The following GPR158 variants were observed in gnomAD, a reference collection of about 807,000 sequenced individuals.
The protein encoded by GPR158 is metabotropic glycine receptor.
GPR158 carries 30 observed loss-of-function variants against 78.2 expected under a neutral mutation model. The ratio of observed to expected loss-of-function variants is 0.38; its 90% CI spans 0.29 to 0.52. GPR158 has a LOEUF of 0.52. Ranked by LOEUF, GPR158 falls within the 20% of genes least tolerant of loss-of-function variation. The probability of loss-of-function intolerance (pLI) is 0.83; values close to 1 mark genes in which losing one functional copy is unlikely to be tolerated. For synonymous variants in GPR158, 581 were observed against 591.1 expected (o/e 0.98, Z 0.25); for missense variants, 1,463 against 1,523.5 (o/e 0.96, Z 0.66).
At chr10:25,482,053 CT>C in intron 5 of GPR158, among the ~76,000 whole-genome samples, 1 of 152,074 alleles carries the variant, frequency 6.6e-6, no homozygotes, top group Admixed American at 6.6e-5. Flanking sequence ...CTCTGGCTAT[CT>C]TTTTTAGCTA....
At chr10:25,235,168 G>A (rs956652895) in intron 2 of GPR158, among the ~76,000 whole-genome samples, 6 of 152,182 alleles carry the variant, frequency 3.9e-5, no homozygotes, top group African/African-American at 1.4e-4. Flanking sequence ...TCTTTGGTGA[G>A]AATTGAATAG....
At chr10:25,367,220 C>G (rs901999803) in intron 2 of GPR158, among the ~76,000 whole-genome samples, 3 of 151,516 alleles carry the variant, frequency 2.0e-5, no homozygotes, top group South Asian at 2.1e-4. Flanking sequence ...TAGGGCTACC[C>G]AAGGGACCTA....
At chr10:25,223,494 G>A (rs1853330145) in intron 2 of GPR158, among the ~76,000 whole-genome samples, 1 of 152,142 alleles carries the variant, frequency 6.6e-6, no homozygotes, top group African/African-American at 2.4e-5. Context: ...AACAGTTTTG[G>A]ACCACATCCT....
At chr10:25,252,898 C>T (rs1391791195) in intron 2 of GPR158, among the ~76,000 whole-genome samples, 1 of 152,158 alleles carries the variant, frequency 6.6e-6, no homozygotes, top group South Asian at 2.1e-4. Flanking sequence ...CAATGGCGGG[C>T]GCCCCTCCCC....
chr10:25,282,248 G>T (rs369934152), intron 2 of GPR158, among the ~76,000 whole-genome samples: 1 of 151,934 alleles, frequency 6.6e-6, no homozygotes, highest in Admixed American at 6.6e-5. Flanking sequence ...TTTCAGCCTG[G>T]CTTCTTTTAT....
intron 5 of GPR158, among the ~76,000 whole-genome samples, chr10:25,497,539 A>G (rs1835898640): frequency 6.6e-6 from 1 of 152,212 alleles, no homozygotes; most frequent in South Asian, 2.1e-4. Flanking sequence ...ACTAGCGTGT[A>G]GACAGATTGG....
intron 5 of GPR158, among the ~76,000 whole-genome samples, chr10:25,521,140 G>T (rs551072646): frequency 1.2e-4 from 18 of 152,318 alleles, no homozygotes; most frequent in African/African-American, 4.3e-4. Flanking sequence ...AGGTGCATCC[G>T]TCACCCCTTT....
chr10:25,544,497 A>T (rs986697055), intron 5 of GPR158, among the ~76,000 whole-genome samples: 1 of 152,164 alleles, frequency 6.6e-6, no homozygotes, highest in Non-Finnish European at 1.5e-5. Flanking sequence ...TAGCATGGTT[A>T]TCAGTGCGTA....
At chr10:25,436,152 GATAA>G (rs927222223) in intron 4 of GPR158, among the ~76,000 whole-genome samples, 4 of 152,182 alleles carry the variant, frequency 2.6e-5, no homozygotes, top group Non-Finnish European at 4.4e-5. Flanking sequence ...TTGATTTTCA[GATAA>G]ACAATGAATA....
In GPR158 at chr10:25,529,141, C is replaced by T. The variant is rs540306244; in HGVS notation, c.1405-21835C>T. On this transcript the variant is annotated intron_variant, in intron 5 of 10. Coordinates refer to ENST00000376351, the MANE Select transcript of GPR158 (RefSeq NM_020752.3). ...TGGTGGCTCACGCGTGTAATCCCAG[C>T]ACTTTAGGAGGCTGAGGCAGGCGGA... is the stretch of plus-strand genomic sequence containing the variant. 3.9e-5 allele frequency among the ~76,000 whole-genome samples: 6 copies of T among 152,278 alleles called. No homozygotes were observed. The South Asian group carries it at 1.2e-3, about 32-fold the overall frequency.
intron 2 of GPR158, among the ~76,000 whole-genome samples, chr10:25,308,064 T>C (rs986402110): frequency 2.6e-5 from 4 of 152,224 alleles, no homozygotes; most frequent in African/African-American, 9.6e-5. Flanking sequence ...GCATTTTAAT[T>C]TAGCCAATAT....
intron 1 of GPR158, among the ~76,000 whole-genome samples, chr10:25,181,153 GATGAGTAGGCTT>G (rs370955784): frequency 2.9e-4 from 44 of 152,336 alleles, no homozygotes; most frequent in Non-Finnish European, 6.0e-4. Flanking sequence ...AGCTGAAAAT[GATGAGTAGGCTT>G]ACCTACAGGA....
chr10:25,586,390 AATT>A (rs1837267580), intron 7 of GPR158, among the ~76,000 whole-genome samples: 2 of 130,942 alleles, frequency 1.5e-5, no homozygotes, highest in African/African-American at 5.7e-5. Flanking sequence ...GGTATGTGTG[AATT>A]TTTTTTTTTT....
chr10:25,529,949 C>T (rs2130692163), intron 5 of GPR158, among the ~76,000 whole-genome samples: 1 of 152,284 alleles, frequency 6.6e-6, no homozygotes, highest in East Asian at 1.9e-4. Flanking sequence ...ACTTTTCCAT[C>T]CGTTTGATTA....
chr10:25,229,202 T>C (rs953966181), intron 2 of GPR158, among the ~76,000 whole-genome samples: 1 of 152,070 alleles, frequency 6.6e-6, no homozygotes, highest in Non-Finnish European at 1.5e-5. Flanking sequence ...AAGAAGACGA[T>C]GGAGAAAGAC....
intron 2 of GPR158, among the ~76,000 whole-genome samples, chr10:25,247,068 C>T (rs554018782): frequency 6.6e-6 from 1 of 152,222 alleles, no homozygotes; most frequent in South Asian, 2.1e-4. Context: ...AACAGTTGTA[C>T]CAGAAAGATC....
rs144227510 is a variant in GPR158, at chr10:25,236,680, T to C, written c.1008+15523T>C. On this transcript the variant is annotated intron_variant, in intron 2 of 10. Transcript: ENST00000376351. ...TGGCCACCTGATCGAGTCATGCTTA[T>C]CCTTTGAGTCCTAGAGTTGCTCTCG... Among the ~76,000 whole-genome samples, 637 of 152,200 alleles carry C rather than the reference T, an allele frequency of 4.2e-3. 4 individuals are homozygous for C. The highest frequency in any genetic ancestry group is 0.015 in the African/African-American group (621 of 41,516).
intron 2 of GPR158, among the ~76,000 whole-genome samples, chr10:25,326,307 A>G (rs1855031629): frequency 6.6e-6 from 1 of 152,204 alleles, no homozygotes; most frequent in Non-Finnish European, 1.5e-5. Flanking sequence ...ATGGCTGCAT[A>G]GTATTCCATG....
Position 25,545,981 on chromosome 10 carries a change from G to T in GPR158, c.1405-4995G>T, listed in dbSNP as rs146342430. On this transcript the variant is annotated intron_variant, in intron 5 of 10. Coordinates refer to ENST00000376351, the MANE Select transcript of GPR158 (RefSeq NM_020752.3). ...AGGAGAGCTGATGAGTGCAACAAAG[G>T]AAAGCTCAGCATTCATTGAGAGTAA... 6.6e-5 allele frequency among the ~76,000 whole-genome samples: 10 copies of T among 152,258 alleles called. No homozygotes were observed. The East Asian group carries it at 1.9e-3, about 29-fold the overall frequency.
Sources: gnomAD v4.1 joint callset for allele counts (sites outside exome capture counted in the v4.1 genomes callset) on GRCh38, gnomAD v4.1.1 for gene constraint, MANE v1.5 for transcripts, NCBI Gene and HGNC (gene_info 2026-07-23, HGNC 2026-07-21) for gene names.